The following PARVA variants were observed in gnomAD, a reference collection of about 807,000 sequenced individuals.
The protein encoded by PARVA is alpha-parvin.
PARVA carries 25 observed loss-of-function variants against 52.6 expected under a neutral mutation model. The ratio of observed to expected loss-of-function variants is 0.48; its 90% CI spans 0.35 to 0.66. The LOEUF is 0.66. PARVA is among the 30% of genes least tolerant of loss of function. The pLI is 0.01. For missense variants in PARVA, 373 were observed against 450.9 expected, an observed-to-expected ratio of 0.83 and a Z score of 1.56; for synonymous variants, 185 against 179.1, an observed-to-expected ratio of 1.03 and a Z score of -0.26.
Position 12,513,876 on chromosome 11 carries a change from T to C in PARVA, c.799-121T>C, listed in dbSNP as rs1277197763. ...AGAGAGCTCCTGGGCCCAGGGCTCT[T>C]GGCTGGGCCTGATCCTCTGCTTTCA... On this transcript the variant is annotated intron_variant, in intron 9 of 12. Coordinates refer to ENST00000334956, the MANE Select transcript of PARVA (RefSeq NM_018222.5). 13 of 864,924 alleles carry C rather than the reference T, an allele frequency of 1.5e-5. No homozygotes were observed. The South Asian group carries it at 1.7e-4, about 11-fold the overall frequency. 53.6% of individuals were successfully genotyped at this position (864,924 alleles called of 1,614,324 possible).
chr11:12,498,156 C>T (rs759005512), intron 5 of PARVA, among the ~76,000 whole-genome samples: 2 of 152,168 alleles, frequency 1.3e-5, no homozygotes, highest in African/African-American at 4.8e-5. Context: ...GCCTCAGCCT[C>T]CCGAGTAGCT....
intron 5 of PARVA, among the ~76,000 whole-genome samples, chr11:12,503,090 A>C (rs1305248160): frequency 6.6e-6 from 1 of 152,102 alleles, no homozygotes; most frequent in Non-Finnish European, 1.5e-5. Flanking sequence ...AAATGGCTTG[A>C]CTTTGAGCAC....
At chr11:12,446,765 C>T (rs1472208441) in intron 1 of PARVA, among the ~76,000 whole-genome samples, 1 of 152,200 alleles carries the variant, frequency 6.6e-6, no homozygotes, top group Admixed American at 6.5e-5. Flanking sequence ...CTAAATTTTG[C>T]AGTTCATTGC....
chr11:12,401,686 C>G (rs913641329), intron 1 of PARVA, among the ~76,000 whole-genome samples: 2 of 152,192 alleles, frequency 1.3e-5, no homozygotes, highest in African/African-American at 4.8e-5. Context: ...CCCCAACTTT[C>G]CTTTGCATCC....
In PARVA at chr11:12,444,457, T is replaced by TA. The variant is rs749029459; in HGVS notation, c.137-29287dup. Among the ~76,000 whole-genome samples the TA allele has an allele frequency of 5.9e-5, 9 of 152,182 alleles. No individual in the cohort carries two copies. In the East Asian group the frequency reaches 1.4e-3, roughly 23 times the overall value. On this transcript the variant is annotated intron_variant, in intron 1 of 12. Transcript: ENST00000334956. ...TCTTTCTTTGCTTTTCTTTTTTTTT[T>TA]ATAGAGATATAGGGTCTCACTCTGT...
chr11:12,446,525 A>G (rs1295696936), intron 1 of PARVA, among the ~76,000 whole-genome samples: 1 of 152,250 alleles, frequency 6.6e-6, no homozygotes, highest in East Asian at 1.9e-4. Flanking sequence ...AAAAACTTAC[A>G]TGGAGAGTTT....
intron 1 of PARVA, chr11:12,398,374 C>G (rs1939780407): frequency 6.6e-6 from 1 of 151,692 alleles, no homozygotes; most frequent in African/African-American, 2.4e-5. Flanking sequence ...TGGCTGGAAA[C>G]AAGTTCTGGA....
intron 1 of PARVA, among the ~76,000 whole-genome samples, chr11:12,447,988 A>T (rs893404020): frequency 6.6e-6 from 1 of 152,196 alleles, no homozygotes; most frequent in Admixed American, 6.5e-5. Context: ...CAAGAAATCA[A>T]TGTCTGGTAC....
intron 1 of PARVA, among the ~76,000 whole-genome samples, chr11:12,396,751 C>A (rs1001101101): frequency 1.2e-4 from 18 of 152,250 alleles, no homozygotes; most frequent in African/African-American, 4.3e-4. Context: ...ATTAACCTAG[C>A]TAAAACTGTT....
intron 7 of PARVA, among the ~76,000 whole-genome samples, chr11:12,510,238 A>G (rs1941488563): frequency 6.6e-6 from 1 of 152,186 alleles, no homozygotes; most frequent in Non-Finnish European, 1.5e-5. Flanking sequence ...CTCCAAGTTC[A>G]TTATTCTTTC....
chr11:12,405,550 T>G (rs745463208), intron 1 of PARVA, among the ~76,000 whole-genome samples: 4 of 151,468 alleles, frequency 2.6e-5, no homozygotes, highest in Non-Finnish European at 4.4e-5. Context: ...CATGACAGAG[T>G]GAGACCCTGT....
At chr11:12,429,106 A>C (rs544790099) in intron 1 of PARVA, among the ~76,000 whole-genome samples, 1 of 152,130 alleles carries the variant, frequency 6.6e-6, no homozygotes, top group Non-Finnish European at 1.5e-5. Context: ...GCTTCTTCCC[A>C]AGTAGCTGGG....
chr11:12,413,182 T>G (rs1476189635), intron 1 of PARVA, among the ~76,000 whole-genome samples: 1 of 152,254 alleles, frequency 6.6e-6, no homozygotes, highest in Non-Finnish European at 1.5e-5. Context: ...AAAGATATTA[T>G]CTCCATTTCA....
chr11:12,484,807 A>C (rs1279968696), intron 4 of PARVA, among the ~76,000 whole-genome samples: 1 of 105,090 alleles, frequency 9.5e-6, no homozygotes, highest in Non-Finnish European at 2.0e-5. Context: ...ATTTTTGTTG[A>C]CTTTTTTTTT....
At chr11:12,527,626 G>A (rs964052395) in intron 12 of PARVA, among the ~76,000 whole-genome samples, 1 of 152,148 alleles carries the variant, frequency 6.6e-6, no homozygotes, top group African/African-American at 2.4e-5. Context: ...GGACAGGTGG[G>A]GATTGTGGGG....
chr11:12,430,154 T>A (rs1407244610), intron 1 of PARVA, among the ~76,000 whole-genome samples: 1 of 152,154 alleles, frequency 6.6e-6, no homozygotes, highest in Non-Finnish European at 1.5e-5. Context: ...GGGCCAATTT[T>A]GTGGTATCCC....
chr11:12,395,016 G>A (rs899064339), intron 1 of PARVA, among the ~76,000 whole-genome samples: 6 of 151,734 alleles, frequency 4.0e-5, no homozygotes, highest in African/African-American at 1.5e-4. Flanking sequence ...GCTTGAACCC[G>A]GGAGGTGGAG....
chr11:12,445,720 A>G (rs1038054199), intron 1 of PARVA, among the ~76,000 whole-genome samples: 1 of 152,192 alleles, frequency 6.6e-6, no homozygotes, highest in Non-Finnish European at 1.5e-5. Flanking sequence ...TAGGGGCTGA[A>G]AAAAGCGGGA....
intron 1 of PARVA, among the ~76,000 whole-genome samples, chr11:12,455,804 C>G (rs1024483983): frequency 2.6e-4 from 40 of 152,282 alleles, no homozygotes; most frequent in African/African-American, 9.4e-4. Flanking sequence ...ACAGTTTCCA[C>G]TATCAGCACC....
Sources: gnomAD v4.1 joint callset for allele counts (sites outside exome capture counted in the v4.1 genomes callset) on GRCh38, gnomAD v4.1.1 for gene constraint, MANE v1.5 for transcripts, NCBI Gene and HGNC (gene_info 2026-07-23, HGNC 2026-07-21) for gene names.